Variants in APBB2 observed in about 807,000 individuals in gnomAD.
APBB2 encodes Fe65-like 1.
Under a neutral mutation model 82.5 loss-of-function variants are expected in APBB2, and 38 were observed. That is an observed-to-expected ratio of 0.46 (90% CI 0.36 to 0.60). The LOEUF (loss-of-function observed/expected upper bound fraction) is 0.60, where lower values mean the gene tolerates loss of function less well. APBB2 is among the 20% of genes least tolerant of loss of function. The pLI is 0.00. For missense variants in APBB2, 772 were observed against 972.3 expected, an observed-to-expected ratio of 0.79 and a Z score of 2.74; for synonymous variants, 341 against 368.2, an observed-to-expected ratio of 0.93 and a Z score of 0.85.
At chr4:41,121,050 C>T (rs185225579) in intron 2 of APBB2, among the ~76,000 whole-genome samples, 31 of 152,308 alleles carry the variant, frequency 2.0e-4, no homozygotes, top group Non-Finnish European at 3.4e-4. Flanking sequence ...AATGGTACTT[C>T]TGTGTCTTCA....
At chr4:41,101,164 T>C (rs1469725315) in intron 2 of APBB2, among the ~76,000 whole-genome samples, 2 of 152,104 alleles carry the variant, frequency 1.3e-5, no homozygotes, top group African/African-American at 4.8e-5. Flanking sequence ...ACAGAAGTAG[T>C]TGTAAATAGA....
chr4:40,948,890 C>CAAAAAA lies in APBB2; in HGVS notation c.836-3823_836-3818dup, dbSNP rs59172492. On this transcript the variant is annotated intron_variant, in intron 6 of 17. Coordinates refer to ENST00000508593, the MANE Select transcript of APBB2 (RefSeq NM_004307.2). Reference sequence around the variant, plus strand: ...GGTGACAGAAGTGAGATCCTGTCTCCAAAAAAAAAAAAAAAAAAAAAAAAA... The same window carrying CAAAAAA: ...GGTGACAGAAGTGAGATCCTGTCTCCAAAAAAAAAAAAAAAAAAAAAAAAAAAAAAA... Among the ~76,000 whole-genome samples the CAAAAAA allele has an allele frequency of 1.7e-4, 17 of 101,578 alleles. 1 individual carries two copies. Among genetic ancestry groups the CAAAAAA allele is most frequent in the African/African-American group, 3.2e-4 (8 of 24,632 alleles). 66.6% of individuals were successfully genotyped at this position (101,578 alleles called of 152,430 possible). A position where few individuals can be genotyped will look rare whatever the true frequency, so the allele number is the denominator to read the frequency against.
chr4:41,007,754 C>T (rs1035475417), intron 6 of APBB2, among the ~76,000 whole-genome samples: 3 of 152,286 alleles, frequency 2.0e-5, no homozygotes, highest in African/African-American at 7.2e-5. Context: ...TCTATCCATC[C>T]AACCAGCAAA....
intron 3 of APBB2, among the ~76,000 whole-genome samples, chr4:41,067,234 AC>A (rs1243026410): frequency 6.6e-6 from 1 of 151,920 alleles, no homozygotes; most frequent in Non-Finnish European, 1.5e-5. Flanking sequence ...ACAGGGAGAA[AC>A]CCCATCTCTA....
At chr4:41,158,645 G>A (rs903821399) in intron 1 of APBB2, among the ~76,000 whole-genome samples, 3 of 152,178 alleles carry the variant, frequency 2.0e-5, no homozygotes, top group Admixed American at 6.5e-5. Flanking sequence ...ATAGTTCAAG[G>A]GTGTTGAGGG....
At chr4:40,956,925 A>C (rs888056314) in intron 6 of APBB2, among the ~76,000 whole-genome samples, 12 of 152,138 alleles carry the variant, frequency 7.9e-5, no homozygotes, top group African/African-American at 2.7e-4. Context: ...TGCTGGGCTT[A>C]CTCAACTACA....
intron 12 of APBB2, among the ~76,000 whole-genome samples, chr4:40,839,200 C>A (rs1324052577): frequency 6.6e-6 from 1 of 152,096 alleles, no homozygotes; most frequent in African/African-American, 2.4e-5. Flanking sequence ...GTCTCAGCCT[C>A]CCAAGTAGCT....
intron 2 of APBB2, among the ~76,000 whole-genome samples, chr4:41,138,507 A>G (rs1006684056): frequency 7.5e-3 from 5 of 666 alleles, no homozygotes; most frequent in African/African-American, 9.0e-3. Flanking sequence ...CAGACTATAT[A>G]CAAAAGAAAC....
chr4:40,831,411 C>A (rs202242992), intron 12 of APBB2, among the ~76,000 whole-genome samples: 90 of 142,918 alleles, frequency 6.3e-4, no homozygotes, highest in Admixed American at 4.3e-3. Flanking sequence ...TGAAAAAAAA[C>A]AAAAAAAAAA....
intron 1 of APBB2, among the ~76,000 whole-genome samples, chr4:41,183,385 A>T (rs1771970425): frequency 2.0e-5 from 3 of 152,164 alleles, no homozygotes; most frequent in African/African-American, 7.2e-5. Context: ...GTCCCTCAAA[A>T]ATTCATATGT....
chr4:40,842,848 T>C (rs114713023), intron 12 of APBB2, among the ~76,000 whole-genome samples: 1 of 151,794 alleles, frequency 6.6e-6, no homozygotes, highest in East Asian at 1.9e-4. Flanking sequence ...TTTCCTGAGA[T>C]GCATCCTTAC....
intron 12 of APBB2, among the ~76,000 whole-genome samples, chr4:40,833,178 C>T (rs1752656369): frequency 6.6e-6 from 1 of 152,250 alleles, no homozygotes; most frequent in South Asian, 2.1e-4. Context: ...CACACAACTC[C>T]AATCCTTCCA....
At chr4:40,961,221 T>TC (rs1560391911) in intron 6 of APBB2, among the ~76,000 whole-genome samples, 1 of 152,162 alleles carries the variant, frequency 6.6e-6, no homozygotes, top group Non-Finnish European at 1.5e-5. Context: ...AAATTCATCC[T>TC]ATTTCATTCA....
At chr4:41,040,561 G>A (rs1434688919) in intron 4 of APBB2, among the ~76,000 whole-genome samples, 2 of 152,188 alleles carry the variant, frequency 1.3e-5, no homozygotes, top group Admixed American at 1.3e-4. Context: ...TAGGTAACAT[G>A]CCAAAGATCC....
In APBB2 at chr4:40,818,762, A is replaced by T. The variant is rs533388038; in HGVS notation, c.2113-2503T>A. On this transcript the variant is annotated intron_variant, in intron 17 of 17. Coordinates refer to ENST00000508593, the MANE Select transcript of APBB2 (RefSeq NM_004307.2). ...GAGGATGGTGTAAGTGTGACACCAG[A>T]TAACAAGTGTTCAACGCCAGGCCTC... Among the ~76,000 whole-genome samples, 11 of 152,316 alleles carry T rather than the reference A, an allele frequency of 7.2e-5. 1 individual carries two copies. The South Asian group carries it at 2.3e-3, about 32-fold the overall frequency.
intron 12 of APBB2, among the ~76,000 whole-genome samples, chr4:40,862,548 A>C (rs1366574407): frequency 6.6e-6 from 1 of 152,238 alleles, no homozygotes; most frequent in Non-Finnish European, 1.5e-5. Flanking sequence ...GTGCATCATA[A>C]CAGTTAAAAT....
chr4:41,078,339 G>A (rs1309706957), intron 3 of APBB2, among the ~76,000 whole-genome samples: 1 of 152,144 alleles, frequency 6.6e-6, no homozygotes, highest in African/African-American at 2.4e-5. Context: ...AAATCCGTGG[G>A]CAAGAATTTG....
At chr4:40,930,485 G>A (rs935095615) in intron 10 of APBB2, among the ~76,000 whole-genome samples, 32 of 148,236 alleles carry the variant, frequency 2.2e-4, no homozygotes, top group African/African-American at 7.3e-4. Context: ...GCGCGTATGC[G>A]TGTGTATGTG....
chr4:40,851,130 G>A (rs1222351803), intron 12 of APBB2, among the ~76,000 whole-genome samples: 1 of 152,124 alleles, frequency 6.6e-6, no homozygotes, highest in African/African-American at 2.4e-5. Flanking sequence ...TTTTCAAGAT[G>A]TTAACAGCAG....
Sources: allele counts gnomAD v4.1 joint callset (sites outside exome capture counted in the v4.1 genomes callset), GRCh38; gene constraint gnomAD v4.1.1; transcripts MANE v1.5; gene names NCBI Gene and HGNC (gene_info 2026-07-23, HGNC 2026-07-21).